The following YEATS2 variants were observed in gnomAD, a reference collection of about 807,000 sequenced individuals.
YEATS2 encodes the protein YEATS domain containing 2.
YEATS2 carries 77 observed loss-of-function variants against 163.2 expected under a neutral mutation model. The observed-to-expected ratio is 0.47, with a 90% CI of 0.39 to 0.57. The LOEUF is 0.57. Ranked by LOEUF, YEATS2 falls within the 20% of genes least tolerant of loss-of-function variation. The probability of loss-of-function intolerance (pLI) is 0.00; values close to 1 mark genes in which losing one functional copy is unlikely to be tolerated. For synonymous variants in YEATS2, 631 were observed against 645.1 expected (o/e 0.98, Z 0.33); for missense variants, 1,549 against 1,729.8 (o/e 0.90, Z 1.85).
chr3:183,702,214 G>A (rs1714170786), intron 1 of YEATS2, among the ~76,000 whole-genome samples: 1 of 152,186 alleles, frequency 6.6e-6, no homozygotes, highest in African/African-American at 2.4e-5. Context: ...GGAGGCCAAG[G>A]CGGGTGGATC....
At chr3:183,707,667 C>T (rs1466878546) in intron 1 of YEATS2, among the ~76,000 whole-genome samples, 2 of 151,308 alleles carry the variant, frequency 1.3e-5, no homozygotes, top group Admixed American at 1.3e-4. Flanking sequence ...TACTACTCCC[C>T]TTCCCCACCT....
intron 1 of YEATS2, among the ~76,000 whole-genome samples, chr3:183,709,175 T>G (rs746636670): frequency 6.6e-6 from 1 of 152,002 alleles, no homozygotes; most frequent in Non-Finnish European, 1.5e-5. Context: ...AAAAAAAGTT[T>G]GGTTTTCTTT....
At chr3:183,760,617 T>C (rs1721248754) in intron 13 of YEATS2, among the ~76,000 whole-genome samples, 1 of 152,162 alleles carries the variant, frequency 6.6e-6, no homozygotes, top group Non-Finnish European at 1.5e-5. Flanking sequence ...CCGCTGCGCC[T>C]GGCCAGAACT....
intron 15 of YEATS2, among the ~76,000 whole-genome samples, chr3:183,770,833 T>C (rs1722383276): frequency 6.6e-6 from 1 of 152,238 alleles, no homozygotes; most frequent in Admixed American, 6.5e-5. Context: ...CACTAATATA[T>C]ATAATTCTAG....
intron 27 of YEATS2, among the ~76,000 whole-genome samples, chr3:183,806,004 A>G (rs1726160907): frequency 6.6e-6 from 1 of 151,994 alleles, no homozygotes; most frequent in South Asian, 2.1e-4. Flanking sequence ...ACTTGCACAT[A>G]CTAGGCTTCC....
chr3:183,754,690 A>C (rs1720531549), intron 11 of YEATS2, among the ~76,000 whole-genome samples: 2 of 152,192 alleles, frequency 1.3e-5, no homozygotes, highest in Non-Finnish European at 2.9e-5. Flanking sequence ...TATACATGGA[A>C]ACCACAGTGA....
chr3:183,742,025 A>G (rs984308038), intron 8 of YEATS2, among the ~76,000 whole-genome samples: 1 of 150,476 alleles, frequency 6.6e-6, no homozygotes, highest in African/African-American at 2.4e-5. Context: ...CCTGGGCAAC[A>G]TAATAAGACC....
chr3:183,748,286 G>A (rs555394173), intron 9 of YEATS2, among the ~76,000 whole-genome samples: 237 of 138,756 alleles, frequency 1.7e-3, no homozygotes, highest in African/African-American at 3.0e-3. Flanking sequence ...AGGGAGTGAC[G>A]CTCTGTTGCC....
At chr3:183,796,482 T>A (rs1276128528) in intron 21 of YEATS2, among the ~76,000 whole-genome samples, 1 of 150,938 alleles carries the variant, frequency 6.6e-6, no homozygotes, top group Non-Finnish European at 1.5e-5. Context: ...TCTAAAACGA[T>A]AGAGAACATC....
At chr3:183,801,068 T>A (rs923345776) in intron 24 of YEATS2, 1 of 172,058 alleles carries the variant, frequency 5.8e-6, no homozygotes, top group Non-Finnish European at 1.2e-5. Flanking sequence ...CTGGGGACAA[T>A]AGAAACTTAG....
At chr3:183,726,990 G>A (rs1717175641) in intron 6 of YEATS2, among the ~76,000 whole-genome samples, 1 of 152,084 alleles carries the variant, frequency 6.6e-6, no homozygotes, top group Non-Finnish European at 1.5e-5. Flanking sequence ...TAGTAGAGAT[G>A]GGGTTTCACT....
intron 19 of YEATS2, among the ~76,000 whole-genome samples, chr3:183,780,424 T>G (rs898251587): frequency 2.0e-5 from 3 of 152,266 alleles, no homozygotes; most frequent in Non-Finnish European, 4.4e-5. Context: ...GTGTCCCACG[T>G]AAGGCTTTTA....
chr3:183,790,600 T>G (rs775410035), intron 20 of YEATS2, among the ~76,000 whole-genome samples, 197 bp from the exon 21 acceptor site: 7 of 152,214 alleles, frequency 4.6e-5, no homozygotes, highest in Non-Finnish European at 1.0e-4. Flanking sequence ...TTAAATTTTC[T>G]TGGTCCATGA....
At chr3:183,782,345 G>A (rs1390278082) in intron 19 of YEATS2, among the ~76,000 whole-genome samples, 5 of 152,016 alleles carry the variant, frequency 3.3e-5, no homozygotes, top group Non-Finnish European at 7.4e-5. Flanking sequence ...CTGACCTCAG[G>A]TGATCCACCC....
chr3:183,728,652 A>G, intron 6 of YEATS2, 38 bp from the exon 7 acceptor site: 1 of 1,498,782 alleles, frequency 6.7e-7, no homozygotes, highest in Non-Finnish European at 8.9e-7. Flanking sequence ...TTTTTGAAGG[A>G]CGAAAAGAAT....
intron 15 of YEATS2, among the ~76,000 whole-genome samples, chr3:183,771,226 C>T (rs1457946470): frequency 6.6e-6 from 1 of 152,156 alleles, no homozygotes; most frequent in Non-Finnish European, 1.5e-5. Context: ...GATGGGTGAA[C>T]AGCACTTCCT....
chr3:183,778,141 A>G (rs1723198943), intron 19 of YEATS2, among the ~76,000 whole-genome samples: 2 of 151,596 alleles, frequency 1.3e-5, no homozygotes, highest in South Asian at 4.1e-4. Context: ...AAAAAAAAGA[A>G]AAAATGAACA....
chr3:183,730,312 G>T (rs181908656), intron 7 of YEATS2, among the ~76,000 whole-genome samples: 2 of 151,894 alleles, frequency 1.3e-5, no homozygotes, highest in South Asian at 2.1e-4. Context: ...CCCCCTGCCC[G>T]CCTTGGCCTC....
At chr3:183,773,591 G>A in intron 16 of YEATS2, 42 bp from the exon 17 acceptor site, 1 of 1,542,110 alleles carries the variant, frequency 6.5e-7, no homozygotes, top group South Asian at 1.3e-5. Context: ...GTTGCCCTTA[G>A]TTTCAATTTA....
Sources: gnomAD v4.1 joint callset for allele counts (sites outside exome capture counted in the v4.1 genomes callset) on GRCh38, gnomAD v4.1.1 for gene constraint, MANE v1.5 for transcripts, NCBI Gene and HGNC (gene_info 2026-07-23, HGNC 2026-07-21) for gene names.